SYN3: variants seen among roughly 807,000 people sequenced by gnomAD.
SYN3 encodes the protein synapsin III.
In SYN3, 35 loss-of-function variants were observed where a neutral mutation model predicts 65.8. The observed-to-expected ratio is 0.53, with a 90% CI of 0.41 to 0.70. SYN3 has a LOEUF of 0.70. Among genes scored for constraint, SYN3 ranks in the 30% least tolerant of loss-of-function variants. The probability of loss-of-function intolerance (pLI) is 0.00; values close to 1 mark genes in which losing one functional copy is unlikely to be tolerated. For missense variants in SYN3, 680 were observed against 749.0 expected, an observed-to-expected ratio of 0.91 and a Z score of 1.08; for synonymous variants, 270 against 292.9, an observed-to-expected ratio of 0.92 and a Z score of 0.80.
rs55824039 is a variant in SYN3 at position 32,710,111 on chromosome 22, ATG to A, written c.712-113377_712-113376del. 1.6e-3 allele frequency among the ~76,000 whole-genome samples: 210 copies of A among 135,232 alleles called. 1 individual carries two copies. Among genetic ancestry groups the A allele is most frequent in the South Asian group, 4.9e-3 (20 of 4,050 alleles). The allele number at this position is 135,232 out of a possible 152,430, so 88.7% of individuals were successfully genotyped here. A position where few individuals can be genotyped will look rare whatever the true frequency, so the allele number is the denominator to read the frequency against. On this transcript the variant is annotated intron_variant, in intron 6 of 13. Coordinates refer to ENST00000358763, the MANE Select transcript of SYN3 (RefSeq NM_003490.4). ...CACACACACACACATGTGTGTGTGT[ATG>A]TGTGTGTGTGTGTGTGTGTATTTAC... is the stretch of plus-strand genomic sequence containing the variant.
intron 1 of SYN3, 55 bp from the exon 2 acceptor site, chr22:33,006,879 C>A: frequency 2.2e-6 from 1 of 461,920 alleles, no homozygotes; most frequent in Non-Finnish European, 3.8e-6. Flanking sequence ...CCCTTAAGAG[C>A]AAACAGATAC....
chr22:32,763,272 G>A lies in SYN3; in HGVS notation c.711+101643C>T, dbSNP rs529400183. Reference sequence around the variant, plus strand: ...CGCCATTCTCCTGCCTCAGCTTCTCGAGTAGCTGGGATTACAAGCGCCTGC... The same window carrying A: ...CGCCATTCTCCTGCCTCAGCTTCTCAAGTAGCTGGGATTACAAGCGCCTGC... On this transcript the variant is annotated intron_variant, in intron 6 of 13. Coordinates refer to ENST00000358763, the MANE Select transcript of SYN3 (RefSeq NM_003490.4). 2.6e-5 allele frequency among the ~76,000 whole-genome samples: 4 copies of A among 152,012 alleles called. No individual in the cohort carries two copies. In the East Asian group the frequency reaches 7.7e-4, roughly 29 times the overall value.
chr22:32,890,071 G>GGTTTTT (rs2049400596), intron 4 of SYN3, among the ~76,000 whole-genome samples: 1 of 67,916 alleles, frequency 1.5e-5, no homozygotes, highest in East Asian at 6.6e-4. Flanking sequence ...AGATTTAGCT[G>GGTTTTT]CTTTTTTTTT....
chr22:32,945,808 T>C (rs1394629935), intron 3 of SYN3, among the ~76,000 whole-genome samples: 5 of 152,200 alleles, frequency 3.3e-5, no homozygotes, highest in African/African-American at 1.2e-4. Flanking sequence ...AAAGGGCTAA[T>C]ATCCAGAATC....
chr22:32,697,455 C>T (rs1025885675), intron 6 of SYN3, among the ~76,000 whole-genome samples: 6 of 152,144 alleles, frequency 3.9e-5, no homozygotes, highest in African/African-American at 1.4e-4. Context: ...GAGTTCAATT[C>T]TAGGCATGTA....
At chr22:32,933,647 C>T in intron 3 of SYN3, among the ~76,000 whole-genome samples, 1 of 152,110 alleles carries the variant, frequency 6.6e-6, no homozygotes, top group Admixed American at 6.6e-5. Flanking sequence ...ACCATGTTGG[C>T]CAGGCTGGTC....
chr22:32,729,088 C>A (rs114948694), intron 6 of SYN3, among the ~76,000 whole-genome samples: 2,065 of 152,274 alleles, frequency 0.014, 55 homozygotes, highest in African/African-American at 0.047. Context: ...TAGTTCTGAA[C>A]TCTGTCTGAA....
chr22:32,618,096 A>T lies in SYN3; in HGVS notation c.712-21360T>A, dbSNP rs566379920. ...GGAGCCTGGCATGACGCCTGGTAAT[A>T]AACCACTGTTAAGTGAATACGGAAA... is the stretch of plus-strand genomic sequence containing the variant. On this transcript the variant is annotated intron_variant, in intron 6 of 13. Coordinates refer to ENST00000358763, the MANE Select transcript of SYN3 (RefSeq NM_003490.4). 4.3e-4 allele frequency among the ~76,000 whole-genome samples: 65 copies of T among 152,220 alleles called. No individual in the cohort carries two copies. In the Middle Eastern group the frequency reaches 0.01, roughly 24 times the overall value.
chr22:32,636,581 C>T (rs1363751781), intron 6 of SYN3, among the ~76,000 whole-genome samples: 1 of 152,190 alleles, frequency 6.6e-6, no homozygotes, highest in African/African-American at 2.4e-5. Context: ...ATCAGTGAGG[C>T]TCAGTAATGG....
rs745853995 is a variant in SYN3, at chr22:32,982,923, T to A, written c.312-2221A>T. ...TGAAGAAACTGAAACCCAGAGAGAC[T>A]AAATATTTTGCCTAAGGGATTTGAA... On this transcript the variant is annotated intron_variant, in intron 2 of 13. Transcript: ENST00000358763. Among the ~76,000 whole-genome samples the A allele has an allele frequency of 1.3e-3, 194 of 152,312 alleles. 3 individuals are homozygous for A. The highest frequency in any genetic ancestry group is 7.4e-5 in the Non-Finnish European group (5 of 68,022).
At chr22:32,902,750 A>G (rs989568734) in intron 4 of SYN3, among the ~76,000 whole-genome samples, 5 of 152,120 alleles carry the variant, frequency 3.3e-5, no homozygotes. Flanking sequence ...TGACCATGGG[A>G]AAATTACTGG....
At chr22:32,542,058 G>A (rs2058264616) in intron 7 of SYN3, among the ~76,000 whole-genome samples, 1 of 152,220 alleles carries the variant, frequency 6.6e-6, no homozygotes, top group Non-Finnish European at 1.5e-5. Context: ...AGGTGGCACA[G>A]ACTCGCTGAT....
In SYN3 at chr22:33,003,933, G is replaced by A. The variant is rs933389140; in HGVS notation, c.311+2419C>T. On this transcript the variant is annotated intron_variant, in intron 2 of 13. Transcript: ENST00000358763. Reference sequence around the variant, plus strand: ...AGTATCAGGACTTGGTGCCTGTGTCGCAGCCACTTCAGCTGTGGCTAAAAG... The same window carrying A: ...AGTATCAGGACTTGGTGCCTGTGTCACAGCCACTTCAGCTGTGGCTAAAAG... Among the ~76,000 whole-genome samples the A allele has an allele frequency of 1.4e-4, 21 of 152,164 alleles. No homozygotes were observed. In the East Asian group the frequency reaches 1.9e-3, roughly 14 times the overall value.
chr22:32,904,278 G>A (rs1181434981), intron 4 of SYN3, among the ~76,000 whole-genome samples: 2 of 152,204 alleles, frequency 1.3e-5, no homozygotes, highest in Non-Finnish European at 2.9e-5. Flanking sequence ...TAGTGATACT[G>A]CAATATGGCT....
Position 32,533,871 on chromosome 22 carries a change from G to A in SYN3, c.1017C>T (p.Cys339=). The change falls in exon 10 of 14, where the codon TGC becomes TGT. Residue 339 remains cysteine, a synonymous_variant. Coordinates refer to ENST00000358763, the MANE Select transcript of SYN3 (RefSeq NM_003490.4). ...TGTCCAGGCCGCCAAACATTTCCGA[G>A]CAGCTGTCCACCCACAGCCTGTACC... The part of the protein sequence containing the change: ...TERYRLWVDS[C]SEMFGGLDIC... 1 of 1,613,792 alleles carries A rather than the reference G, an allele frequency of 6.2e-7. No homozygotes were observed. Among genetic ancestry groups the A allele is most frequent in the Non-Finnish European group, 8.5e-7 (1 of 1,179,834 alleles).
intron 6 of SYN3, among the ~76,000 whole-genome samples, chr22:32,800,069 A>G (rs2046526838): frequency 6.6e-6 from 1 of 152,194 alleles, no homozygotes; most frequent in Non-Finnish European, 1.5e-5. Flanking sequence ...AAAGTGCTCA[A>G]AGGGGAAAAA....
At chr22:32,859,456 C>A in intron 6 of SYN3, 1 of 1,503,390 alleles carries the variant, frequency 6.7e-7, no homozygotes. Flanking sequence ...CAGATGATGA[C>A]AATGAAATTA....
chr22:32,872,757 G>A (rs1306457890), intron 4 of SYN3, among the ~76,000 whole-genome samples: 1 of 152,034 alleles, frequency 6.6e-6, no homozygotes, highest in Non-Finnish European at 1.5e-5. Flanking sequence ...ATCTGGCCAG[G>A]GGGTGGCCAA....
At chr22:32,844,669 C>T (rs1473458359) in intron 6 of SYN3, among the ~76,000 whole-genome samples, 1 of 151,950 alleles carries the variant, frequency 6.6e-6, no homozygotes, top group Non-Finnish European at 1.5e-5. Flanking sequence ...CATTGAAATA[C>T]TGCTTATTCC....
Sources: gnomAD v4.1 joint callset for allele counts (sites outside exome capture counted in the v4.1 genomes callset) on GRCh38, gnomAD v4.1.1 for gene constraint, MANE v1.5 for transcripts, NCBI Gene and HGNC (gene_info 2026-07-23, HGNC 2026-07-21) for gene names.